DYNLRB2: variants seen among roughly 807,000 people sequenced by gnomAD.
DYNLRB2 encodes the protein bithoraxoid-like protein.
In DYNLRB2, 14 loss-of-function variants were observed where a neutral mutation model predicts 12.6. That is an observed-to-expected ratio of 1.11 (90% CI 0.73 to 1.73). DYNLRB2 has a LOEUF of 1.73. Among genes scored for constraint, DYNLRB2 ranks in the 40% most tolerant of loss-of-function variants. The probability of loss-of-function intolerance (pLI) is 0.00; values close to 1 mark genes in which losing one functional copy is unlikely to be tolerated. For synonymous variants in DYNLRB2, 53 were observed against 37.0 expected (o/e 1.43, Z -1.57); for missense variants, 142 against 117.7 (o/e 1.21, Z -0.95).
In DYNLRB2 at chr16:80,550,747, A is replaced by G. The variant is rs181301398; in HGVS notation, c.*189A>G. The G allele has an allele frequency of 3.3e-5, 21 of 636,056 alleles. No homozygotes were observed. Among genetic ancestry groups the G allele is most frequent in the Non-Finnish European group, 5.4e-5 (20 of 370,244 alleles). 39.4% of individuals were successfully genotyped at this position (636,056 alleles called of 1,614,324 possible). ...TGTGAAGTTGTACTTTAGTGATACA[A>G]TAAGTGAATTCTGGTATATACGTCT... is the stretch of plus-strand genomic sequence containing the variant. On this transcript the variant is annotated 3_prime_UTR_variant, in exon 4 of 4. Coordinates refer to ENST00000305904, the MANE Select transcript of DYNLRB2 (RefSeq NM_130897.3).
At position 80,549,573 on chromosome 16, in the gene DYNLRB2, G is replaced by A; in HGVS notation, c.169G>A (p.Val57Ile). Residue 57 changes from valine (V) to isoleucine (I), a missense_variant, in exon 3 of 4, where the codon GTT (valine) becomes ATT (isoleucine). By Grantham distance (29) the Val-to-Ile change is conservative. Transcript: ENST00000305904. ...CCTGACAATGAAAGCCAAAAGCACA[G>A]TTCGTGATATTGATCCTCAGAACGA... Reference protein sequence around the residue: ...HHLTMKAKSTVRDIDPQNDLT... With the variant: ...HHLTMKAKSTIRDIDPQNDLT... 6.2e-7 allele frequency: 1 copy of A among 1,612,852 alleles called. No homozygotes were observed. The highest frequency in any genetic ancestry group is 8.5e-7 in the Non-Finnish European group (1 of 1,179,148).
intron 2 of DYNLRB2, among the ~76,000 whole-genome samples, chr16:80,543,805 G>A (rs1487060537): frequency 2.6e-5 from 4 of 152,130 alleles, no homozygotes; most frequent in Admixed American, 2.0e-4. Flanking sequence ...GAGAATTAAC[G>A]ATATCATTTA....
intron 2 of DYNLRB2, 107 bp from the exon 3 acceptor site, chr16:80,549,377 A>C: frequency 1.7e-6 from 2 of 1,143,960 alleles, no homozygotes; most frequent in Non-Finnish European, 2.4e-6. Flanking sequence ...ATAAGCCATC[A>C]CTTTTTTCTC....
In DYNLRB2 at chr16:80,550,662, C is replaced by T. The variant is rs535088944; in HGVS notation, c.*104C>T. ...CAATCTAACTGACCCTTCAAACATT[C>T]TTTTCTATTTCTATATCTAAACTGT... On this transcript the variant is annotated 3_prime_UTR_variant, in exon 4 of 4. Coordinates refer to ENST00000305904, the MANE Select transcript of DYNLRB2 (RefSeq NM_130897.3). The T allele has an allele frequency of 2.9e-4, 371 of 1,274,660 alleles. 3 individuals carry two copies. The East Asian group carries it at 7.2e-3, about 25-fold the overall frequency. The allele number at this position is 1,274,660 out of a possible 1,614,324, so 79.0% of individuals were successfully genotyped here.
In DYNLRB2 at chr16:80,550,616, A is replaced by G. The variant is rs899178180; in HGVS notation, c.*58A>G. The G allele has an allele frequency of 3.2e-6, 5 of 1,570,896 alleles. No individual in the cohort carries two copies. In the African/African-American group the frequency reaches 5.4e-5, roughly 17 times the overall value. On this transcript the variant is annotated 3_prime_UTR_variant, in exon 4 of 4. Coordinates refer to ENST00000305904, the MANE Select transcript of DYNLRB2 (RefSeq NM_130897.3). ...TGGGTTGGAAACACTTGGCTCTCTC[A>G]TGAGTATTAAAATTCTATTTCAATC... is the stretch of plus-strand genomic sequence containing the variant.
Position 80,546,713 on chromosome 16 carries a change from T to C in DYNLRB2, c.80-2771T>C, listed in dbSNP as rs184472268. On this transcript the variant is annotated intron_variant, in intron 2 of 3. Transcript: ENST00000305904. ...CAGTCAGATCTGTCGTATTTTCTTA[T>C]GTATATAAGTCTGATTTCTACAGGC... 6.6e-5 allele frequency among the ~76,000 whole-genome samples: 10 copies of C among 152,380 alleles called. No homozygotes were observed. In the South Asian group the frequency reaches 1.7e-3, roughly 25 times the overall value.
At chr16:80,545,810 G>C (rs1904424050) in intron 2 of DYNLRB2, among the ~76,000 whole-genome samples, 1 of 150,012 alleles carries the variant, frequency 6.7e-6, no homozygotes, top group South Asian at 2.1e-4. Flanking sequence ...CAAGTAGCTG[G>C]GACTACAGGC....
chr16:80,543,281 G>A lies in DYNLRB2; in HGVS notation c.9G>A (p.Glu3=), dbSNP rs781405892. Reference sequence around the variant, plus strand: ...ATCTTCCTGGTCTCTTTCAGGCAGAGGTGGAGGAAACCTTAAAGAGGATCC... The same window carrying A: ...ATCTTCCTGGTCTCTTTCAGGCAGAAGTGGAGGAAACCTTAAAGAGGATCC... The part of the protein sequence containing the change: MA[E]VEETLKRIQS... Residue 3 remains glutamate, a synonymous_variant, in exon 2 of 4, where the codon GAG becomes GAA. Coordinates refer to ENST00000305904, the MANE Select transcript of DYNLRB2 (RefSeq NM_130897.3). 2 of 1,613,932 alleles carry A rather than the reference G, an allele frequency of 1.2e-6. No homozygotes were observed. Among genetic ancestry groups the A allele is most frequent in the Non-Finnish European group, 8.5e-7 (1 of 1,179,882 alleles).
At chr16:80,547,823 C>A (rs776146282) in intron 2 of DYNLRB2, 7 of 456,388 alleles carry the variant, frequency 1.5e-5, no homozygotes, top group East Asian at 7.0e-5. Context: ...AAGTGGCCAA[C>A]AAATCACAAT....
intron 2 of DYNLRB2, among the ~76,000 whole-genome samples, chr16:80,545,862 T>C (rs1904429818): frequency 1.5e-5 from 2 of 136,444 alleles, no homozygotes; most frequent in South Asian, 2.4e-4. Context: ...TTTTTTTTTT[T>C]AGTAGAGATG....
chr16:80,543,178 G>C, intron 1 of DYNLRB2, 98 bp from the exon 2 acceptor site: 2 of 1,224,530 alleles, frequency 1.6e-6, no homozygotes. Context: ...CTTAGGTTAA[G>C]GAGATAGGAG....
At chr16:80,540,768 A>C (rs112650003), upstream of DYNLRB2, 712 of 703,146 alleles carry the variant, frequency 1.0e-3, no homozygotes, top group African/African-American at 0.011. Flanking sequence ...TCAATGAATG[A>C]ATGAATGGAC....
At position 80,541,300 on chromosome 16, in the gene DYNLRB2, G is replaced by A. The variant is rs1033117017; in HGVS notation, c.3+221G>A. 7.2e-6 allele frequency: 7 copies of A among 973,296 alleles called. No individual in the cohort carries two copies. In the East Asian group the frequency reaches 8.0e-4, roughly 112 times the overall value. The allele number at this position is 973,296 out of a possible 1,614,324, so 60.3% of individuals were successfully genotyped here. A position where few individuals can be genotyped will look rare whatever the true frequency, so the allele number is the denominator to read the frequency against. On this transcript the variant is annotated intron_variant, in intron 1 of 3. Coordinates refer to ENST00000305904, the MANE Select transcript of DYNLRB2 (RefSeq NM_130897.3). ...AGCTGTTTTGGGAATTGATTTCGCG[G>A]GGATGGTACATAAGGAGGGGTGATG...
intron 2 of DYNLRB2, among the ~76,000 whole-genome samples, chr16:80,546,020 G>C (rs1319813427): frequency 6.6e-6 from 1 of 152,108 alleles, no homozygotes; most frequent in African/African-American, 2.4e-5. Flanking sequence ...GTTTGTATTA[G>C]AATTCAGGAC....
At chr16:80,544,505 G>A (rs1411523491) in intron 2 of DYNLRB2, among the ~76,000 whole-genome samples, 1 of 152,112 alleles carries the variant, frequency 6.6e-6, no homozygotes, top group East Asian at 1.9e-4. Flanking sequence ...AATATTTCCA[G>A]GAAGCATTCC....
intron 2 of DYNLRB2, chr16:80,547,657 A>G: frequency 2.4e-6 from 1 of 420,408 alleles, no homozygotes; most frequent in South Asian, 1.7e-5. Flanking sequence ...TTGCACCCTT[A>G]GTAGGTAGTC....
intron 2 of DYNLRB2, among the ~76,000 whole-genome samples, chr16:80,548,348 A>G (rs1255907355): frequency 2.0e-5 from 3 of 152,198 alleles, no homozygotes; most frequent in African/African-American, 7.2e-5. Context: ...AGTTAGATTG[A>G]TTTCAACTGA....
Position 80,543,425 on chromosome 16 carries a change from G to A in DYNLRB2, c.79+74G>A, listed in dbSNP as rs192989595. ...ACCTGTTTGCCGTGTTAGTCCTTAA[G>A]ACAAACATCTTCGAATTTGACATCA... On this transcript the variant is annotated intron_variant, in intron 2 of 3. Transcript: ENST00000305904. 4.4e-3 allele frequency: 6,126 copies of A among 1,408,266 alleles called. 22 individuals carry two copies. The highest frequency in any genetic ancestry group is 4.5e-3 in the Non-Finnish European group (4,596 of 1,015,350). The allele number at this position is 1,408,266 out of a possible 1,614,324, so 87.2% of individuals were successfully genotyped here.
intron 2 of DYNLRB2, among the ~76,000 whole-genome samples, chr16:80,546,423 G>T (rs947634893): frequency 6.6e-6 from 1 of 152,180 alleles, no homozygotes; most frequent in Admixed American, 6.5e-5. Flanking sequence ...TTGTGGTTAG[G>T]TCAGACTTCT....
Sources: gnomAD v4.1 joint callset for allele counts (sites outside exome capture counted in the v4.1 genomes callset) on GRCh38, gnomAD v4.1.1 for gene constraint, MANE v1.5 for transcripts, NCBI Gene and HGNC (gene_info 2026-07-23, HGNC 2026-07-21) for gene names.